The following PRDM16 variants were observed in gnomAD, a reference collection of about 807,000 sequenced individuals.
The protein encoded by PRDM16 is PR/SET domain 16.
PRDM16 carries 23 observed loss-of-function variants against 110.6 expected under a neutral mutation model. The observed-to-expected ratio is 0.21, with a 90% CI of 0.15 to 0.29. PRDM16 has a LOEUF of 0.29. PRDM16 is among the 10% of genes least tolerant of loss of function. PRDM16 has a pLI of 1.00. For missense variants in PRDM16, 1,615 were observed against 1,794.3 expected, an observed-to-expected ratio of 0.90 and a Z score of 1.81; for synonymous variants, 799 against 781.8, an observed-to-expected ratio of 1.02 and a Z score of -0.37.
intron 1 of PRDM16, among the ~76,000 whole-genome samples, chr1:3,184,491 T>A (rs1467446963): frequency 6.6e-6 from 1 of 152,136 alleles, no homozygotes; most frequent in Admixed American, 6.5e-5. Context: ...CGTGGAAAGA[T>A]CTAGATCAGG....
At chr1:3,193,109 C>G (rs767138335) in intron 2 of PRDM16, among the ~76,000 whole-genome samples, 5 of 151,986 alleles carry the variant, frequency 3.3e-5, no homozygotes, top group Admixed American at 3.3e-4. Context: ...CGGCGAGTAC[C>G]CAGCAGACAC....
At chr1:3,181,874 G>GGA (rs1553141339) in intron 1 of PRDM16, among the ~76,000 whole-genome samples, 1 of 97,788 alleles carries the variant, frequency 1.0e-5, no homozygotes, top group Non-Finnish European at 2.3e-5. Context: ...TCTTACACAC[G>GGA]GTCTTGCACA....
At chr1:3,180,814 T>A (rs923557345) in intron 1 of PRDM16, among the ~76,000 whole-genome samples, 4 of 148,362 alleles carry the variant, frequency 2.7e-5, no homozygotes, top group African/African-American at 1.0e-4. Context: ...CCTGGACACC[T>A]TTTCAGGTTC....
At chr1:3,341,512 C>T (rs572611273) in intron 3 of PRDM16, among the ~76,000 whole-genome samples, 1 of 152,284 alleles carries the variant, frequency 6.6e-6, no homozygotes, top group Admixed American at 6.5e-5. Flanking sequence ...GCGAGACCCG[C>T]CGTGAAGCAC....
chr1:3,235,100 G>T (rs1249630919), intron 2 of PRDM16, among the ~76,000 whole-genome samples: 1 of 152,182 alleles, frequency 6.6e-6, no homozygotes, highest in East Asian at 1.9e-4. Context: ...CTCCACTGGC[G>T]TCCCAGCCAG....
chr1:3,090,328 A>G (rs1166547424), intron 1 of PRDM16, among the ~76,000 whole-genome samples: 3 of 152,224 alleles, frequency 2.0e-5, no homozygotes, highest in African/African-American at 7.2e-5. Context: ...AAGGGAGTCC[A>G]GCTGGGAGAC....
chr1:3,396,623 GC>G, intron 5 of PRDM16, 30 bp downstream of exon 5: 2 of 960,900 alleles, frequency 2.1e-6, no homozygotes, highest in Non-Finnish European at 3.2e-6. Context: ...CCGGGCCACG[GC>G]CCCTGGGAGC....
rs565235425 is a variant in PRDM16 at position 3,109,655 on chromosome 1, G to C, written c.37+40359G>C. ...CAAGAATCCGAACTCCTCCAGGAAA[G>C]CATCAAGTCCATCCCGGGGAGTGTG... On this transcript the variant is annotated intron_variant, in intron 1 of 16. Coordinates refer to ENST00000270722, the MANE Select transcript of PRDM16 (RefSeq NM_022114.4). Among the ~76,000 whole-genome samples the C allele has an allele frequency of 1.1e-4, 16 of 152,364 alleles. No individual in the cohort carries two copies. The South Asian group carries it at 3.1e-3, about 30-fold the overall frequency.
chr1:3,280,900 C>T (rs779470478), intron 3 of PRDM16, among the ~76,000 whole-genome samples: 2 of 152,180 alleles, frequency 1.3e-5, no homozygotes, highest in African/African-American at 2.4e-5. Flanking sequence ...AATGCGGAGC[C>T]CCCAGGGCTT....
At position 3,390,224 on chromosome 1, in the gene PRDM16, A is replaced by G. The variant is rs1169556817; in HGVS notation, c.573+4938A>G. On this transcript the variant is annotated intron_variant, in intron 4 of 16. Coordinates refer to ENST00000270722, the MANE Select transcript of PRDM16 (RefSeq NM_022114.4). This position sits in a 1 kb window ranked among gnomAD's most constrained non-coding sequence, Gnocchi z 5.0. Reference sequence around the variant, plus strand: ...CTGTTTTTTGGTTTATCTTTTTCTCATGTTGCCTCAATAGGGCAAGAATGT... The same window carrying G: ...CTGTTTTTTGGTTTATCTTTTTCTCGTGTTGCCTCAATAGGGCAAGAATGT... Among the ~76,000 whole-genome samples, 1 of 152,148 alleles carries G rather than the reference A, an allele frequency of 6.6e-6. No homozygotes were observed. The highest frequency in any genetic ancestry group is 1.5e-5 in the Non-Finnish European group (1 of 68,018).
chr1:3,308,252 C>T (rs1378707464), intron 3 of PRDM16: 2 of 152,304 alleles, frequency 1.3e-5, no homozygotes, highest in African/African-American at 4.8e-5. Context: ...CAGTGCTGCC[C>T]CGCTGGAGAC....
At chr1:3,129,519 C>T (rs1374826086) in intron 1 of PRDM16, among the ~76,000 whole-genome samples, 1 of 152,106 alleles carries the variant, frequency 6.6e-6, no homozygotes, top group East Asian at 1.9e-4. Flanking sequence ...ACAGGGGTGT[C>T]GTCCAGGGCT....
At chr1:3,324,539 C>T (rs1325631372) in intron 3 of PRDM16, among the ~76,000 whole-genome samples, 1 of 152,142 alleles carries the variant, frequency 6.6e-6, no homozygotes, top group African/African-American at 2.4e-5. Flanking sequence ...TTCACAGGGA[C>T]GGAAGCCAGC....
intron 3 of PRDM16, among the ~76,000 whole-genome samples, chr1:3,313,470 T>C (rs561355642): frequency 6.6e-6 from 1 of 152,176 alleles, no homozygotes; most frequent in South Asian, 2.1e-4. Context: ...TGTCCGAGGC[T>C]CTGCCGTCCC....
intron 4 of PRDM16, among the ~76,000 whole-genome samples, chr1:3,394,020 G>A (rs951604401): frequency 6.6e-6 from 1 of 152,136 alleles, no homozygotes; most frequent in Non-Finnish European, 1.5e-5. Flanking sequence ...GCGGCTCCAG[G>A]GCAGTGTCCG....
chr1:3,229,445 T>C (rs1639359273), intron 2 of PRDM16, among the ~76,000 whole-genome samples: 1 of 152,208 alleles, frequency 6.6e-6, no homozygotes, highest in South Asian at 2.1e-4. Flanking sequence ...AGGACATTTT[T>C]CTCAGTCCAT....
chr1:3,431,824 G>A (rs557180314), intron 15 of PRDM16, 142 bp from the exon 16 acceptor site: 12 of 778,226 alleles, frequency 1.5e-5, no homozygotes, highest in East Asian at 1.0e-4. Context: ...CTGTGTGTCC[G>A]TGTGTCTGTC....
At chr1:3,199,016 A>G (rs1638552187) in intron 2 of PRDM16, among the ~76,000 whole-genome samples, 1 of 152,170 alleles carries the variant, frequency 6.6e-6, no homozygotes, top group African/African-American at 2.4e-5. Flanking sequence ...CCCAGAACAA[A>G]GTCGAAATGA....
intron 1 of PRDM16, among the ~76,000 whole-genome samples, chr1:3,100,586 G>A (rs532458444): frequency 2.6e-5 from 4 of 152,242 alleles, no homozygotes; most frequent in East Asian, 3.9e-4. Flanking sequence ...CTCCAGGCAC[G>A]GCCCATGGTC....
Sources: gnomAD v4.1 joint callset for allele counts (sites outside exome capture counted in the v4.1 genomes callset) on GRCh38, gnomAD v4.1.1 for gene constraint, Gnocchi (gnomAD v3.1) non-coding constraint, MANE v1.5 for transcripts, NCBI Gene and HGNC (gene_info 2026-07-23, HGNC 2026-07-21) for gene names.